Variants in AUTS2 observed in about 807,000 individuals in gnomAD.
The protein encoded by AUTS2 is activator of transcription and developmental regulator AUTS2, also known as autism susceptibility gene 2 protein.
AUTS2 carries 17 observed loss-of-function variants against 112.4 expected under a neutral mutation model. The observed-to-expected ratio is 0.15, with a 90% CI of 0.10 to 0.23. AUTS2 has a LOEUF of 0.23. AUTS2 is among the 10% of genes least tolerant of loss of function. AUTS2 has a pLI of 1.00. For synonymous variants in AUTS2, 751 were observed against 702.7 expected (o/e 1.07, Z -1.09); for missense variants, 1,510 against 1,701.6 (o/e 0.89, Z 1.98).
intron 1 of AUTS2, among the ~76,000 whole-genome samples, chr7:69,759,098 G>A (rs1036133814): frequency 6.6e-6 from 1 of 152,092 alleles, no homozygotes; most frequent in East Asian, 1.9e-4. Flanking sequence ...TCTCCATTTG[G>A]TGGATAAGAA....
chr7:70,004,424 T>C (rs1006107218), intron 2 of AUTS2, among the ~76,000 whole-genome samples: 2 of 16,798 alleles, frequency 1.2e-4, no homozygotes, highest in African/African-American at 1.4e-3. Context: ...TAATATATTA[T>C]ATATATATAT....
At chr7:69,649,377 G>A (rs766976623) in intron 1 of AUTS2, among the ~76,000 whole-genome samples, 3 of 152,204 alleles carry the variant, frequency 2.0e-5, no homozygotes, top group Non-Finnish European at 2.9e-5. Flanking sequence ...CCTTTTGCCT[G>A]TTACATACAG....
At chr7:69,747,365 A>G (rs933373110) in intron 1 of AUTS2, among the ~76,000 whole-genome samples, 6 of 152,216 alleles carry the variant, frequency 3.9e-5, no homozygotes, top group African/African-American at 9.6e-5. Flanking sequence ...GACCTTGGAT[A>G]TGGCATATAC....
chr7:70,120,911 A>T (rs1180050050), intron 3 of AUTS2, among the ~76,000 whole-genome samples: 1 of 152,208 alleles, frequency 6.6e-6, no homozygotes, highest in African/African-American at 2.4e-5. Flanking sequence ...GAAAAAGAGC[A>T]AAGTTAGAGG....
intron 1 of AUTS2, among the ~76,000 whole-genome samples, chr7:69,627,516 A>G (rs577448655): frequency 2.0e-5 from 3 of 152,056 alleles, no homozygotes; most frequent in Middle Eastern, 3.4e-3. Flanking sequence ...AAAACAAACA[A>G]AAAAAAACAA....
At chr7:69,652,657 T>A (rs1054367230) in intron 1 of AUTS2, among the ~76,000 whole-genome samples, 1 of 152,060 alleles carries the variant, frequency 6.6e-6, no homozygotes, top group African/African-American at 2.4e-5. Context: ...ATTTGTGAAT[T>A]TATGGACCTG....
intron 1 of AUTS2, among the ~76,000 whole-genome samples, chr7:69,770,276 G>A (rs760554799): frequency 1.3e-5 from 2 of 152,200 alleles, no homozygotes; most frequent in Non-Finnish European, 2.9e-5. Context: ...CATTATAAAT[G>A]AGGACCATAG....
intron 4 of AUTS2, among the ~76,000 whole-genome samples, chr7:70,366,816 C>T (rs761245208): frequency 6.6e-6 from 1 of 152,036 alleles, no homozygotes; most frequent in Non-Finnish European, 1.5e-5. Context: ...CACCTAACCC[C>T]AAAGACTGCA....
intron 2 of AUTS2, among the ~76,000 whole-genome samples, chr7:70,066,683 G>A (rs1802511863): frequency 6.6e-6 from 1 of 151,848 alleles, no homozygotes; most frequent in South Asian, 2.1e-4. Flanking sequence ...GGTACTACAG[G>A]TGCATGCCAC....
intron 6 of AUTS2, among the ~76,000 whole-genome samples, chr7:70,733,583 C>T (rs1372432245): frequency 2.3e-5 from 3 of 130,582 alleles, no homozygotes; most frequent in South Asian, 5.6e-4. Context: ...CATTTTTCTA[C>T]GTTAGTTTTT....
chr7:70,093,814 A>G (rs935061282), intron 2 of AUTS2, among the ~76,000 whole-genome samples: 2 of 152,220 alleles, frequency 1.3e-5, no homozygotes, highest in African/African-American at 4.8e-5. Context: ...ACTTGTGTGA[A>G]GGATCTAAAC....
chr7:70,266,049 A>G (rs1787406920), intron 4 of AUTS2, among the ~76,000 whole-genome samples: 1 of 152,258 alleles, frequency 6.6e-6, no homozygotes, highest in African/African-American at 2.4e-5. Flanking sequence ...TCCTAGCTAT[A>G]TACCCAAAAG....
chr7:70,352,061 A>G (rs1791792706), intron 4 of AUTS2, among the ~76,000 whole-genome samples: 1 of 152,218 alleles, frequency 6.6e-6, no homozygotes. Flanking sequence ...TATGAGTCTA[A>G]GCACTTTACA....
intron 17 of AUTS2, among the ~76,000 whole-genome samples, chr7:70,786,704 C>T (rs17763090): frequency 0.52 from 79,447 of 151,962 alleles, 21,190 homozygotes; most frequent in Non-Finnish European, 0.58. Flanking sequence ...CTGAGCATAC[C>T]GTCACAGGTC....
At chr7:70,328,249 TCTAG>T (rs1790581788) in intron 4 of AUTS2, among the ~76,000 whole-genome samples, 1 of 152,022 alleles carries the variant, frequency 6.6e-6, no homozygotes, top group African/African-American at 2.4e-5. Context: ...TGAGACTGAG[TCTAG>T]GTTTGTCTCC....
At position 69,886,957 on chromosome 7, in the gene AUTS2, T is replaced by C. The variant is rs180811005; in HGVS notation, c.310-12329T>C. 3.4e-4 allele frequency among the ~76,000 whole-genome samples: 52 copies of C among 152,260 alleles called. No homozygotes were observed. The East Asian group carries it at 9.5e-3, about 28-fold the overall frequency. On this transcript the variant is annotated intron_variant, in intron 1 of 18. Transcript: ENST00000342771. ...ACCCAGCTAATTTAAAAAATATTTT[T>C]CTGGAGACTGGGTCTCACTCTGTTG...
At chr7:70,348,797 C>A (rs1313112272) in intron 4 of AUTS2, among the ~76,000 whole-genome samples, 1 of 152,040 alleles carries the variant, frequency 6.6e-6, no homozygotes, top group Non-Finnish European at 1.5e-5. Context: ...GGCGACAGAG[C>A]GAGACTCCGT....
At chr7:70,679,501 G>C (rs753453104) in intron 5 of AUTS2, among the ~76,000 whole-genome samples, 32 of 151,890 alleles carry the variant, frequency 2.1e-4, no homozygotes, top group Non-Finnish European at 4.6e-4. Context: ...TCCTGATATT[G>C]TGTGCTTGAA....
intron 5 of AUTS2, among the ~76,000 whole-genome samples, chr7:70,676,322 C>T (rs1239458764): frequency 6.6e-6 from 1 of 151,840 alleles, no homozygotes; most frequent in Non-Finnish European, 1.5e-5. Context: ...GCCCCAACTA[C>T]TGAGGAGGCT....
Sources: allele counts gnomAD v4.1 joint callset (sites outside exome capture counted in the v4.1 genomes callset), GRCh38; gene constraint gnomAD v4.1.1; transcripts MANE v1.5; gene names NCBI Gene and HGNC (gene_info 2026-07-23, HGNC 2026-07-21).